Variants in KIF13A observed in about 807,000 individuals in gnomAD.
KIF13A encodes the protein kinesin family member 13A.
Under a neutral mutation model 212.2 loss-of-function variants are expected in KIF13A, and 79 were observed. That is an observed-to-expected ratio of 0.37 (90% CI 0.31 to 0.45). KIF13A has a LOEUF of 0.45. Among genes scored for constraint, KIF13A ranks in the 20% least tolerant of loss-of-function variants. KIF13A has a pLI of 1.00. For synonymous variants in KIF13A, 789 were observed against 808.6 expected (o/e 0.98, Z 0.41); for missense variants, 1,901 against 2,209.0 (o/e 0.86, Z 2.79).
chr6:17,950,315 A>C (rs1466845713), intron 2 of KIF13A: 1 of 743,436 alleles, frequency 1.3e-6, no homozygotes, highest in African/African-American at 1.9e-5. Context: ...AGTTCAAACA[A>C]ACCAGAAGGG....
intron 4 of KIF13A, among the ~76,000 whole-genome samples, chr6:17,857,893 G>A (rs886687586): frequency 6.6e-6 from 1 of 152,090 alleles, no homozygotes; most frequent in Non-Finnish European, 1.5e-5. Flanking sequence ...TTAAATGCCC[G>A]TAAGTATGAA....
In KIF13A at chr6:17,855,588, G is replaced by A. The variant is rs375275290; in HGVS notation, c.343C>T (p.His115Tyr). ...GGAATAAGGCCCAGCTGCTCAGCATGGCCCATCATGGAAAAGGATTTTCCC... is the reference window on the plus strand; with the variant it reads ...GGAATAAGGCCCAGCTGCTCAGCATAGCCCATCATGGAAAAGGATTTTCCC... Reference protein sequence around the residue: ...GSGKSFSMMGHAEQLGLIPRL... With the variant: ...GSGKSFSMMGYAEQLGLIPRL... The change falls in exon 6 of 39, where the codon CAT becomes TAT. Residue 115 changes from histidine to tyrosine, a missense_variant. Coordinates refer to ENST00000259711, the MANE Select transcript of KIF13A (RefSeq NM_022113.6). This position sits in a 1 kb window ranked among gnomAD's most constrained non-coding sequence, Gnocchi z 4.1. 8.7e-6 allele frequency: 14 copies of A among 1,603,532 alleles called. No individual in the cohort carries two copies. Among genetic ancestry groups the A allele is most frequent in the Non-Finnish European group, 1.2e-5 (14 of 1,177,348 alleles).
intron 38 of KIF13A, among the ~76,000 whole-genome samples, chr6:17,765,655 A>G (rs996991173): frequency 6.6e-6 from 1 of 152,148 alleles, no homozygotes; most frequent in Non-Finnish European, 1.5e-5. Flanking sequence ...CTCCTTTGTA[A>G]AACAGTTTTC....
intron 9 of KIF13A, among the ~76,000 whole-genome samples, chr6:17,846,976 T>C (rs1767128520): frequency 6.6e-6 from 1 of 152,204 alleles, no homozygotes; most frequent in South Asian, 2.1e-4. Flanking sequence ...ACTTGCTCTG[T>C]CTTGGTTTTC....
intron 17 of KIF13A, 31 bp from the exon 18 acceptor site, chr6:17,808,961 A>G (rs201042515): frequency 1.1e-5 from 17 of 1,542,798 alleles, no homozygotes; most frequent in Non-Finnish European, 1.4e-5. Flanking sequence ...GAACGAGAAA[A>G]TCTAAAGGAA....
intron 2 of KIF13A, among the ~76,000 whole-genome samples, chr6:17,953,228 A>T (rs1778033023): frequency 6.6e-6 from 1 of 152,190 alleles, no homozygotes; most frequent in Non-Finnish European, 1.5e-5. Flanking sequence ...AGCAGGTTAG[A>T]GAACAGTTCA....
At chr6:17,922,132 C>G (rs1284136782) in intron 2 of KIF13A, among the ~76,000 whole-genome samples, 1 of 152,130 alleles carries the variant, frequency 6.6e-6, no homozygotes. Context: ...TCGACAAGAT[C>G]CTGCAGACAC....
intron 7 of KIF13A, among the ~76,000 whole-genome samples, chr6:17,851,525 C>T (rs139284572): frequency 2.6e-5 from 4 of 152,162 alleles, no homozygotes; most frequent in Admixed American, 1.3e-4. Flanking sequence ...TAAAACAGGC[C>T]GGTCAATGGC....
intron 2 of KIF13A, chr6:17,953,841 T>C (rs534716370): frequency 5.6e-6 from 1 of 178,816 alleles, no homozygotes; most frequent in African/African-American, 2.3e-5. Context: ...GGAAAAACTC[T>C]GTAAAGTGGC....
intron 34 of KIF13A, among the ~76,000 whole-genome samples, chr6:17,775,943 G>C (rs554171410): frequency 9.7e-4 from 147 of 152,014 alleles, no homozygotes; most frequent in Middle Eastern, 3.4e-3. Flanking sequence ...GTGCAATGGC[G>C]CAATCTCGGC....
intron 2 of KIF13A, chr6:17,950,438 C>T (rs1777751391): frequency 1.0e-6 from 1 of 978,780 alleles, no homozygotes. Context: ...AATGGATTAC[C>T]AAATAAAACT....
At position 17,768,842 on chromosome 6, in the gene KIF13A, A is replaced by C. The variant is rs1164219475; in HGVS notation, c.4581+2272T>G. On this transcript the variant is annotated intron_variant, in intron 38 of 38. Transcript: ENST00000259711. The surrounding 1 kb of genome is among the most constrained non-coding windows in gnomAD (Gnocchi z 5.4). The stretch of plus-strand genomic sequence containing the variant: ...TTTCTGCTATTCTCTATGCTTTATG[A>C]CTTAAAAAGACAGACTCCAAAGGCA... Among the ~76,000 whole-genome samples, 2 of 152,214 alleles carry C rather than the reference A, an allele frequency of 1.3e-5. No homozygotes were observed.
rs751195710 is a variant in KIF13A at position 17,794,619 on chromosome 6, G to A, written c.3028C>T (p.His1010Tyr). 3 of 1,613,190 alleles carry A rather than the reference G, an allele frequency of 1.9e-6. No homozygotes were observed. Among genetic ancestry groups the A allele is most frequent in the Non-Finnish European group, 2.5e-6 (3 of 1,179,712 alleles). Residue 1010 changes from histidine to tyrosine, a missense_variant, in exon 24 of 39, where the codon CAT becomes TAT. This residue lies in a region of KIF13A where 168 missense variants were observed against 250.9 expected (regional missense o/e 0.67). Coordinates refer to ENST00000259711, the MANE Select transcript of KIF13A (RefSeq NM_022113.6). This position sits in a 1 kb window ranked among gnomAD's most constrained non-coding sequence, Gnocchi z 4.1. ...ELGEYAAVELHQAKDVNTGGI... is the reference protein window; with the variant it reads ...ELGEYAAVELYQAKDVNTGGI... Reference sequence around the variant, plus strand: ...CCTGTGTTGACATCTTTTGCCTGATGAAGTTCCACTGCAGCATACTCTCCT... The same window carrying A: ...CCTGTGTTGACATCTTTTGCCTGATAAAGTTCCACTGCAGCATACTCTCCT...
At chr6:17,798,464 T>C (rs750606704) in intron 22 of KIF13A, among the ~76,000 whole-genome samples, 1 of 152,270 alleles carries the variant, frequency 6.6e-6, no homozygotes, top group Non-Finnish European at 1.5e-5. Context: ...GATAAATGTA[T>C]GCTATTTGTT....
chr6:17,926,743 T>C lies in KIF13A; in HGVS notation c.147-28563A>G, dbSNP rs1194482483. Among the ~76,000 whole-genome samples, 1 of 152,172 alleles carries C rather than the reference T, an allele frequency of 6.6e-6. No homozygotes were observed. Among genetic ancestry groups the C allele is most frequent in the East Asian group, 1.9e-4 (1 of 5,202 alleles). The stretch of plus-strand genomic sequence containing the variant: ...TGGAGAATGTTTAAGTATATTAGGA[T>C]ATATTCAGATGATAAACAACTTGTA... On this transcript the variant is annotated intron_variant, in intron 2 of 38. Transcript: ENST00000259711. This position sits in a 1 kb window ranked among gnomAD's most constrained non-coding sequence, Gnocchi z 4.3.
rs559066410 is a variant in KIF13A at position 17,967,373 on chromosome 6, T to C, written c.146+19681A>G. Among the ~76,000 whole-genome samples the C allele has an allele frequency of 5.6e-4, 86 of 152,344 alleles. No homozygotes were observed. The highest frequency in any genetic ancestry group is 2.0e-3 in the African/African-American group (83 of 41,582). On this transcript the variant is annotated intron_variant, in intron 2 of 38. Coordinates refer to ENST00000259711, the MANE Select transcript of KIF13A (RefSeq NM_022113.6). The surrounding 1 kb of genome is among the most constrained non-coding windows in gnomAD (Gnocchi z 4.1). ...TGAGTAAACTGTATTTTACCTCTAA[T>C]ATCTTATATTTTCAAAGTGTTCAAC...
At position 17,942,478 on chromosome 6, in the gene KIF13A, C is replaced by T. The variant is rs541815058; in HGVS notation, c.147-44298G>A. ...ATTTCCAAATTTCACTCCCTCCCAT[C>T]TGCAAAATGGGTACCTACCTCATAA... On this transcript the variant is annotated intron_variant, in intron 2 of 38. Coordinates refer to ENST00000259711, the MANE Select transcript of KIF13A (RefSeq NM_022113.6). Among the ~76,000 whole-genome samples, 5 of 152,250 alleles carry T rather than the reference C, an allele frequency of 3.3e-5. No individual in the cohort carries two copies. The South Asian group carries it at 1.0e-3, about 32-fold the overall frequency.
chr6:17,951,137 A>C lies in KIF13A; in HGVS notation c.146+35917T>G. Reference sequence around the variant, plus strand: ...TTATTCATATGTGGGGTCTGATGCAATTCACCTCACGCCACTTTAATTTTT... The same window carrying C: ...TTATTCATATGTGGGGTCTGATGCACTTCACCTCACGCCACTTTAATTTTT... On this transcript the variant is annotated intron_variant, in intron 2 of 38. Coordinates refer to ENST00000259711, the MANE Select transcript of KIF13A (RefSeq NM_022113.6). This position sits in a 1 kb window ranked among gnomAD's most constrained non-coding sequence, Gnocchi z 4.9. 1 of 1,194,430 alleles carries C rather than the reference A, an allele frequency of 8.4e-7. No individual in the cohort carries two copies. Among genetic ancestry groups the C allele is most frequent in the Non-Finnish European group, 1.0e-6 (1 of 964,266 alleles). The allele number at this position is 1,194,430 out of a possible 1,614,324, so 74.0% of individuals were successfully genotyped here.
At chr6:17,946,326 G>C (rs1777393539) in intron 2 of KIF13A, among the ~76,000 whole-genome samples, 1 of 150,802 alleles carries the variant, frequency 6.6e-6, no homozygotes, top group African/African-American at 2.4e-5. Flanking sequence ...CTAATAATCA[G>C]AAAATAAATA....
Sources: allele counts gnomAD v4.1 joint callset (sites outside exome capture counted in the v4.1 genomes callset), GRCh38; gene constraint gnomAD v4.1.1; regional missense constraint gnomAD v4.1.1; non-coding constraint Gnocchi (gnomAD v3.1); transcripts MANE v1.5; gene names NCBI Gene and HGNC (gene_info 2026-07-23, HGNC 2026-07-21).